PPP2R3A: variants seen among roughly 807,000 people sequenced by gnomAD.
PPP2R3A encodes the protein serine/threonine-protein phosphatase 2A regulatory subunit B'' subunit alpha.
A neutral mutation model predicts 106.9 loss-of-function variants in PPP2R3A; 80 were observed. The observed-to-expected ratio is 0.75, with a 90% confidence interval of 0.62 to 0.90. The LOEUF is 0.90. Ranked by LOEUF, PPP2R3A falls within the 40% of genes least tolerant of loss-of-function variation. PPP2R3A has a pLI of 0.00. For missense variants in PPP2R3A, 1,386 were observed against 1,350.4 expected, an observed-to-expected ratio of 1.03 and a Z score of -0.41; for synonymous variants, 483 against 468.3, an observed-to-expected ratio of 1.03 and a Z score of -0.41.
chr3:135,972,541 G>A (rs1348889864), intron 1 of PPP2R3A, among the ~76,000 whole-genome samples: 2 of 152,186 alleles, frequency 1.3e-5, no homozygotes, highest in African/African-American at 4.8e-5. Context: ...GGAACTCCCA[G>A]ACTGTTTTCC....
chr3:136,049,550 G>A (rs868497933), intron 5 of PPP2R3A, among the ~76,000 whole-genome samples, 189 bp downstream of exon 5: 7 of 148,204 alleles, frequency 4.7e-5, no homozygotes, highest in African/African-American at 1.9e-4. Flanking sequence ...ATGAAATCTC[G>A]TTAAATGAAA....
intron 5 of PPP2R3A, among the ~76,000 whole-genome samples, chr3:136,053,060 A>G (rs950996689): frequency 6.6e-6 from 1 of 152,224 alleles, no homozygotes; most frequent in African/African-American, 2.4e-5. Context: ...GTTCTCACTT[A>G]TAAGTGGGAG....
chr3:135,974,522 C>T (rs114451925), intron 1 of PPP2R3A, among the ~76,000 whole-genome samples: 1,853 of 152,322 alleles, frequency 0.012, 40 homozygotes, highest in African/African-American at 0.043. Context: ...TTTCTGACCT[C>T]ATCTGTTACT....
chr3:136,129,717 A>C (rs1938327268), intron 13 of PPP2R3A, among the ~76,000 whole-genome samples: 2 of 152,198 alleles, frequency 1.3e-5, no homozygotes, highest in African/African-American at 4.8e-5. Context: ...ACAACAAAAA[A>C]TGAGAATTTC....
chr3:135,988,825 G>C (rs1933036660), intron 1 of PPP2R3A, among the ~76,000 whole-genome samples: 1 of 152,072 alleles, frequency 6.6e-6, no homozygotes. Flanking sequence ...CTAAAGGATT[G>C]ATTAGATTAA....
intron 5 of PPP2R3A, among the ~76,000 whole-genome samples, chr3:136,052,350 G>T (rs1471350889): frequency 6.6e-6 from 1 of 152,060 alleles, no homozygotes; most frequent in Non-Finnish European, 1.5e-5. Context: ...TCTCTGCCTC[G>T]GCACAGTAAC....
chr3:135,998,985 T>C (rs1031774384), intron 1 of PPP2R3A, among the ~76,000 whole-genome samples: 1 of 152,184 alleles, frequency 6.6e-6, no homozygotes, highest in Admixed American at 6.5e-5. Flanking sequence ...CATTTATTAA[T>C]TGGGGGAGCA....
At chr3:136,097,196 G>GA (rs978564058) in intron 10 of PPP2R3A, among the ~76,000 whole-genome samples, 146 of 132,898 alleles carry the variant, frequency 1.1e-3, no homozygotes, top group Middle Eastern at 3.8e-3. Context: ...CCTTTGGTAA[G>GA]AAAAAAAAAA....
At position 135,984,686 on chromosome 3, in the gene PPP2R3A, T is replaced by C. The variant is rs1210640672; in HGVS notation, c.-440-16373T>C. 2.0e-5 allele frequency among the ~76,000 whole-genome samples: 3 copies of C among 152,186 alleles called. No homozygotes were observed. In the East Asian group the frequency reaches 5.8e-4, roughly 29 times the overall value. ...GTGCCTGTTTCCCCTTCCACCATGA[T>C]TGTAAGTGTCCTGAGGCTTTCTCAA... On this transcript the variant is annotated intron_variant, in intron 1 of 13. Transcript: ENST00000264977.
At position 136,122,362 on chromosome 3, in the gene PPP2R3A, C is replaced by CATAT. The variant is rs1202927529; in HGVS notation, c.3329+16043_3329+16046dup. ...ACAAAATAAAGTACAACTCTCCCTC[C>CATAT]ATATATGTGAAGGATTGATTCCAGG... On this transcript the variant is annotated intron_variant, in intron 13 of 13. Coordinates refer to ENST00000264977, the MANE Select transcript of PPP2R3A (RefSeq NM_002718.5). Among the ~76,000 whole-genome samples, 81 of 152,132 alleles carry CATAT rather than the reference C, an allele frequency of 5.3e-4. 1 individual carries two copies. The highest frequency in any genetic ancestry group is 4.4e-5 in the Non-Finnish European group (3 of 68,024).
chr3:136,055,368 G>C, intron 5 of PPP2R3A: 1 of 959,638 alleles, frequency 1.0e-6, no homozygotes, highest in South Asian at 1.3e-5. Flanking sequence ...GCTACCTCAG[G>C]TCCACAGGTA....
intron 1 of PPP2R3A, among the ~76,000 whole-genome samples, chr3:135,996,700 T>A (rs1933411695): frequency 6.6e-6 from 1 of 152,222 alleles, no homozygotes; most frequent in Non-Finnish European, 1.5e-5. Context: ...TAGTCATTTG[T>A]ACCATCTCTA....
chr3:135,986,875 C>T (rs983543709), intron 1 of PPP2R3A, among the ~76,000 whole-genome samples: 1 of 150,780 alleles, frequency 6.6e-6, no homozygotes, highest in Non-Finnish European at 1.5e-5. Context: ...TCCACTCTAA[C>T]TTTTGCCTTA....
intron 13 of PPP2R3A, among the ~76,000 whole-genome samples, chr3:136,137,183 G>A (rs1938652730): frequency 1.3e-5 from 2 of 152,102 alleles, no homozygotes; most frequent in Non-Finnish European, 1.5e-5. Context: ...GAAGGCTAAA[G>A]GGTCTTCCAT....
chr3:136,108,212 G>GACACACACACACACACACACACACACAC (rs375655120), intron 13 of PPP2R3A, among the ~76,000 whole-genome samples: 7 of 151,374 alleles, frequency 4.6e-5, no homozygotes, highest in African/African-American at 1.5e-4. Flanking sequence ...GCTAGACCCT[G>GACACACACACACACACACACACACACAC]ACACACACAC....
rs1261992411 is a variant in PPP2R3A, at chr3:136,002,514, A to G, written c.1016A>G (p.Gln339Arg). Residue 339 changes from glutamine (Q) to arginine (R), a missense_variant, in exon 2 of 14, where the codon CAG becomes CGG. Physicochemically the swap from Gln to Arg is conservative, Grantham distance 43 (BLOSUM62 1). Coordinates refer to ENST00000264977, the MANE Select transcript of PPP2R3A (RefSeq NM_002718.5). ...CCCCCTAAATATGAAGATGTTGTCCAGCTCTCAGCTTCTGACTCTGGACGA... is the reference window on the plus strand; with the variant it reads ...CCCCCTAAATATGAAGATGTTGTCCGGCTCTCAGCTTCTGACTCTGGACGA... ...EQPPKYEDVV[Q>R]LSASDSGRFQ... The G allele has an allele frequency of 6.2e-7, 1 of 1,614,010 alleles. No homozygotes were observed. The highest frequency in any genetic ancestry group is 8.5e-7 in the Non-Finnish European group (1 of 1,179,982).
At chr3:136,039,738 C>T (rs1488353635) in intron 3 of PPP2R3A, among the ~76,000 whole-genome samples, 4 of 152,140 alleles carry the variant, frequency 2.6e-5, no homozygotes, top group Non-Finnish European at 5.9e-5. Context: ...TGGCCTGGGA[C>T]TTGGGGACCT....
intron 5 of PPP2R3A, among the ~76,000 whole-genome samples, chr3:136,061,410 T>C (rs1300810698): frequency 6.6e-6 from 1 of 150,788 alleles, no homozygotes; most frequent in Non-Finnish European, 1.5e-5. Flanking sequence ...GGCGGATCAC[T>C]TGAGGTCAGG....
rs375247320 is a variant in PPP2R3A at position 136,003,069 on chromosome 3, A to G, written c.1571A>G (p.Glu524Gly). The G allele has an allele frequency of 3.7e-6, 6 of 1,611,714 alleles. No homozygotes were observed. Among genetic ancestry groups the G allele is most frequent in the Non-Finnish European group, 5.1e-6 (6 of 1,179,476 alleles). The change falls in exon 2 of 14, where the codon GAG becomes GGG. Residue 524 changes from glutamate to glycine, a missense_variant. Transcript: ENST00000264977. ...TTGGAATCTTTTTCACAGAAGATGG[A>G]GACCTCTCTAAGAGAGCCACTTGCG... is the stretch of plus-strand genomic sequence containing the variant. ...MDLESFSQKM[E>G]TSLREPLAKG...
Sources: allele counts gnomAD v4.1 joint callset (sites outside exome capture counted in the v4.1 genomes callset), GRCh38; gene constraint gnomAD v4.1.1; transcripts MANE v1.5; gene names NCBI Gene and HGNC (gene_info 2026-07-23, HGNC 2026-07-21).